Variants in NKAIN3 observed in about 807,000 individuals in gnomAD.
The protein encoded by NKAIN3 is sodium/potassium transporting ATPase interacting 3.
NKAIN3 carries 25 observed loss-of-function variants against 30.2 expected under a neutral mutation model. That is an observed-to-expected ratio of 0.83 (90% CI 0.60 to 1.16). The LOEUF is 1.16. Among genes scored for constraint, NKAIN3 ranks in the 50% most tolerant of loss-of-function variants. The pLI, the probability that NKAIN3 is intolerant of heterozygous loss-of-function variation, is 0.00. For missense variants in NKAIN3, 225 were observed against 254.1 expected (o/e 0.89, Z 0.78); for synonymous variants, 91 against 89.6 (o/e 1.02, Z -0.09).
intron 1 of NKAIN3, among the ~76,000 whole-genome samples, chr8:62,472,477 A>G (rs1357530357): frequency 3.9e-5 from 6 of 152,206 alleles, no homozygotes; most frequent in Admixed American, 3.9e-4. Context: ...GAAATAACAT[A>G]TGAAAGTACT....
At chr8:62,803,689 A>G (rs950894800) in intron 4 of NKAIN3, among the ~76,000 whole-genome samples, 2 of 152,206 alleles carry the variant, frequency 1.3e-5, no homozygotes, top group Non-Finnish European at 2.9e-5. Flanking sequence ...ACACCCTAAC[A>G]TCAGAATTAA....
At chr8:62,253,036 C>T (rs760662796) in intron 1 of NKAIN3, among the ~76,000 whole-genome samples, 52 of 152,182 alleles carry the variant, frequency 3.4e-4, no homozygotes, top group African/African-American at 8.9e-4. Context: ...TCACAGAGGT[C>T]GGACTCTGGC....
At chr8:62,765,178 C>T (rs765485474) in intron 4 of NKAIN3, among the ~76,000 whole-genome samples, 6 of 129,366 alleles carry the variant, frequency 4.6e-5, no homozygotes, top group Admixed American at 3.8e-4. Flanking sequence ...ACCCGGGAGG[C>T]GGAGGTTGCA....
intron 1 of NKAIN3, among the ~76,000 whole-genome samples, chr8:62,368,424 A>AT (rs1563367798): frequency 6.6e-6 from 1 of 152,202 alleles, no homozygotes; most frequent in Non-Finnish European, 1.5e-5. Flanking sequence ...TTTTTGACAA[A>AT]TGTGTTGAGA....
intron 1 of NKAIN3, among the ~76,000 whole-genome samples, chr8:62,425,636 T>C (rs1272709029): frequency 1.3e-5 from 2 of 151,984 alleles, no homozygotes; most frequent in African/African-American, 4.8e-5. Context: ...TTTTTAGTTG[T>C]AGTTCCTGAT....
At chr8:62,730,898 T>C (rs184335090) in intron 3 of NKAIN3, among the ~76,000 whole-genome samples, 2 of 152,340 alleles carry the variant, frequency 1.3e-5, no homozygotes, top group East Asian at 1.9e-4. Context: ...TATGGAATCA[T>C]AGATTTTCAC....
chr8:62,539,728 T>C (rs1808779679), intron 1 of NKAIN3, among the ~76,000 whole-genome samples: 1 of 152,152 alleles, frequency 6.6e-6, no homozygotes, highest in South Asian at 2.1e-4. Flanking sequence ...TGGCTGGGAC[T>C]ACAGGTGTGC....
intron 1 of NKAIN3, among the ~76,000 whole-genome samples, chr8:62,358,059 T>C (rs1816415696): frequency 6.6e-6 from 1 of 152,116 alleles, no homozygotes; most frequent in Admixed American, 6.6e-5. Context: ...TACAGATTCA[T>C]ATCATGGAGA....
intron 3 of NKAIN3, among the ~76,000 whole-genome samples, chr8:62,614,339 T>G (rs1025081883): frequency 6.6e-6 from 1 of 151,982 alleles, no homozygotes; most frequent in African/African-American, 2.4e-5. Context: ...ATCCCTTACT[T>G]TCTCCAAAAC....
intron 4 of NKAIN3, among the ~76,000 whole-genome samples, chr8:62,785,973 T>C (rs1405987140): frequency 6.6e-6 from 1 of 152,086 alleles, no homozygotes; most frequent in Non-Finnish European, 1.5e-5. Flanking sequence ...CCAGGTGTTC[T>C]CCATGGGGCC....
intron 1 of NKAIN3, among the ~76,000 whole-genome samples, chr8:62,404,386 C>A (rs1803991861): frequency 6.6e-6 from 1 of 152,148 alleles, no homozygotes; most frequent in South Asian, 2.1e-4. Flanking sequence ...CCACCCAAAG[C>A]TCGTCTTGAA....
intron 1 of NKAIN3, among the ~76,000 whole-genome samples, chr8:62,528,784 T>C (rs1355886959): frequency 6.6e-6 from 1 of 152,088 alleles, no homozygotes; most frequent in Non-Finnish European, 1.5e-5. Flanking sequence ...TGGTTTTCTG[T>C]TATTTGCAAC....
At chr8:62,475,489 G>C (rs1465277321) in intron 1 of NKAIN3, among the ~76,000 whole-genome samples, 4 of 151,958 alleles carry the variant, frequency 2.6e-5, no homozygotes, top group Non-Finnish European at 5.9e-5. Flanking sequence ...ATGCCATATA[G>C]TTCACCCAAT....
intron 3 of NKAIN3, among the ~76,000 whole-genome samples, chr8:62,738,085 C>T (rs988969189): frequency 6.6e-6 from 1 of 152,078 alleles, no homozygotes; most frequent in African/African-American, 2.4e-5. Flanking sequence ...CTTGAGGAAT[C>T]GCCACACTGT....
intron 4 of NKAIN3, among the ~76,000 whole-genome samples, chr8:62,888,001 G>C (rs888709835): frequency 5.9e-5 from 9 of 152,180 alleles, no homozygotes; most frequent in African/African-American, 2.2e-4. Flanking sequence ...TGATAAATGT[G>C]CCTTTAACGA....
intron 5 of NKAIN3, among the ~76,000 whole-genome samples, chr8:62,920,478 AAAAT>A (rs1822246547): frequency 6.6e-6 from 1 of 152,240 alleles, no homozygotes; most frequent in Non-Finnish European, 1.5e-5. Context: ...AATGGCATGT[AAAAT>A]AAAAGACTCA....
At chr8:62,960,212 A>G (rs1032171317) in intron 6 of NKAIN3, among the ~76,000 whole-genome samples, 43 of 152,230 alleles carry the variant, frequency 2.8e-4, no homozygotes, top group African/African-American at 1.0e-3. Flanking sequence ...AACTGGCAAC[A>G]TGCAAGAGGG....
Position 62,747,126 on chromosome 8 carries a change from C to G in NKAIN3, c.468C>G (p.Leu156=). The change falls in exon 4 of 7, where the codon CTC becomes CTG. Residue 156 remains leucine (L), a synonymous_variant. Transcript: ENST00000623646. ...TCCACAGTGCTGTCCAAATACTACT[C>G]TCTGTAAGTGTCACTTTTGTGTCAT... The part of the protein sequence containing the change: ...EVIHSAVQIL[L]SLVGFVYACY... 1 of 1,590,726 alleles carries G rather than the reference C, an allele frequency of 6.3e-7. No homozygotes were observed. The highest frequency in any genetic ancestry group is 1.3e-5 in the African/African-American group (1 of 74,750).
intron 1 of NKAIN3, among the ~76,000 whole-genome samples, chr8:62,287,245 T>C (rs1334318205): frequency 6.6e-6 from 1 of 151,882 alleles, no homozygotes; most frequent in Non-Finnish European, 1.5e-5. Flanking sequence ...TAAGTTCTAG[T>C]GTCCAGCAAA....
Sources: gnomAD v4.1 joint callset for allele counts (sites outside exome capture counted in the v4.1 genomes callset) on GRCh38, gnomAD v4.1.1 for gene constraint, MANE v1.5 for transcripts, NCBI Gene and HGNC (gene_info 2026-07-23, HGNC 2026-07-21) for gene names.